GPC5: variants seen among roughly 807,000 people sequenced by gnomAD.
GPC5 encodes the protein glypican-5.
In GPC5, 47 loss-of-function variants were observed where a neutral mutation model predicts 53.9. The observed-to-expected ratio is 0.87, with a 90% CI of 0.69 to 1.11. The LOEUF (loss-of-function observed/expected upper bound fraction) is 1.11. Among genes scored for constraint, GPC5 ranks in the 50% most tolerant of loss-of-function variants. The pLI is 0.00. For missense variants in GPC5, 748 were observed against 713.1 expected (o/e 1.05, Z -0.56); for synonymous variants, 286 against 263.3 (o/e 1.09, Z -0.84).
intron 7 of GPC5, among the ~76,000 whole-genome samples, chr13:92,814,855 C>T (rs867142935): frequency 1.3e-4 from 20 of 151,736 alleles, no homozygotes; most frequent in Admixed American, 2.0e-4. Context: ...TTTTGATCAA[C>T]GAATTTCTCT....
At chr13:92,675,263 A>G (rs1303461474) in intron 7 of GPC5, among the ~76,000 whole-genome samples, 2 of 152,144 alleles carry the variant, frequency 1.3e-5, no homozygotes, top group Non-Finnish European at 2.9e-5. Flanking sequence ...GTTAAATCCT[A>G]TTCTTTAATT....
At chr13:92,036,015 G>GC (rs913340100) in intron 6 of GPC5, among the ~76,000 whole-genome samples, 9 of 152,108 alleles carry the variant, frequency 5.9e-5, no homozygotes, top group African/African-American at 2.2e-4. Context: ...ATTCAAACTG[G>GC]CCCCCGGGGT....
At chr13:92,259,903 A>G (rs1192516637) in intron 7 of GPC5, among the ~76,000 whole-genome samples, 1 of 152,164 alleles carries the variant, frequency 6.6e-6, no homozygotes, top group South Asian at 2.1e-4. Context: ...GGAAGAGTCC[A>G]GGGAAATAGT....
intron 7 of GPC5, among the ~76,000 whole-genome samples, chr13:92,206,042 CAAAAA>C (rs58237718): frequency 7.7e-5 from 7 of 90,414 alleles, no homozygotes; most frequent in East Asian, 7.8e-4. Context: ...GACTCCATCT[CAAAAA>C]AAAAAAAAAA....
intron 1 of GPC5, among the ~76,000 whole-genome samples, chr13:91,405,713 G>A (rs1219444888): frequency 6.6e-6 from 1 of 152,118 alleles, no homozygotes; most frequent in Non-Finnish European, 1.5e-5. Flanking sequence ...GTGCAGTCAA[G>A]CAGGATCCTA....
intron 6 of GPC5, among the ~76,000 whole-genome samples, chr13:91,957,317 A>G (rs1438696553): frequency 2.0e-5 from 3 of 152,194 alleles, no homozygotes; most frequent in East Asian, 3.9e-4. Flanking sequence ...ACCCTATATG[A>G]CATGTGGAAC....
chr13:92,069,504 T>A (rs1453945355), intron 6 of GPC5, among the ~76,000 whole-genome samples: 10 of 151,654 alleles, frequency 6.6e-5, no homozygotes, highest in Non-Finnish European at 1.5e-4. Context: ...TATATACAAA[T>A]GCTTTATACC....
At chr13:91,416,427 G>A (rs1195033940) in intron 1 of GPC5, among the ~76,000 whole-genome samples, 1 of 150,144 alleles carries the variant, frequency 6.7e-6, no homozygotes, top group Non-Finnish European at 1.5e-5. Context: ...TCTCTGAGAA[G>A]TACTATACTT....
intron 1 of GPC5, among the ~76,000 whole-genome samples, chr13:91,443,919 A>G (rs1179282942): frequency 1.3e-5 from 2 of 152,192 alleles, no homozygotes; most frequent in African/African-American, 4.8e-5. Context: ...ATGGAATTAG[A>G]GGATAGAATT....
chr13:92,135,131 T>C (rs2041773451), intron 6 of GPC5, among the ~76,000 whole-genome samples: 1 of 152,168 alleles, frequency 6.6e-6, no homozygotes, highest in Non-Finnish European at 1.5e-5. Flanking sequence ...ACTCCTGTCA[T>C]TGATCTTCTG....
chr13:92,268,240 AG>A (rs1260636010), intron 7 of GPC5, among the ~76,000 whole-genome samples: 3 of 152,048 alleles, frequency 2.0e-5, no homozygotes, highest in Non-Finnish European at 4.4e-5. Context: ...TTTCAAAAAA[AG>A]GTAAAAAGGA....
At chr13:92,236,077 T>G (rs530196278) in intron 7 of GPC5, among the ~76,000 whole-genome samples, 3 of 152,210 alleles carry the variant, frequency 2.0e-5, no homozygotes, top group Non-Finnish European at 4.4e-5. Context: ...TAAGGTAATA[T>G]TTATTTTAGT....
rs115670704 is a variant in GPC5 at position 92,652,903 on chromosome 13, G to A, written c.1562-213379G>A. Among the ~76,000 whole-genome samples the A allele has an allele frequency of 5.3e-3, 799 of 152,076 alleles. 9 individuals are homozygous for A. The highest frequency in any genetic ancestry group is 0.019 in the African/African-American group (770 of 41,486). ...TCTCTGAGTCAACACAATATCCAGCGTGGGCCCATTGTAGCCTAAAAAGTG... is the reference window on the plus strand; with the variant it reads ...TCTCTGAGTCAACACAATATCCAGCATGGGCCCATTGTAGCCTAAAAAGTG... On this transcript the variant is annotated intron_variant, in intron 7 of 7. Transcript: ENST00000377067.
intron 7 of GPC5, among the ~76,000 whole-genome samples, chr13:92,839,107 T>C (rs973531397): frequency 6.6e-6 from 1 of 152,214 alleles, no homozygotes; most frequent in African/African-American, 2.4e-5. Flanking sequence ...TCAGCACTTG[T>C]TGCCTGAGCA....
At chr13:91,485,379 AT>A (rs953364155) in intron 2 of GPC5, among the ~76,000 whole-genome samples, 1 of 151,728 alleles carries the variant, frequency 6.6e-6, no homozygotes, top group Non-Finnish European at 1.5e-5. Context: ...TGCCCAGCTA[AT>A]TTTTTTTGTA....
intron 6 of GPC5, among the ~76,000 whole-genome samples, chr13:91,981,133 G>A (rs956095284): frequency 3.9e-5 from 6 of 152,086 alleles, no homozygotes; most frequent in Admixed American, 2.0e-4. Context: ...GTGGAACCAC[G>A]TATGTTCATG....
intron 6 of GPC5, among the ~76,000 whole-genome samples, chr13:92,068,662 T>C (rs1213995287): frequency 6.6e-6 from 1 of 151,580 alleles, no homozygotes; most frequent in African/African-American, 2.4e-5. Context: ...CTAGTTTGCA[T>C]ATTAAAAAAT....
intron 4 of GPC5, among the ~76,000 whole-genome samples, chr13:91,729,776 A>C (rs1180161804): frequency 6.6e-6 from 1 of 152,176 alleles, no homozygotes; most frequent in African/African-American, 2.4e-5. Flanking sequence ...TGTTTTTATA[A>C]TAAAACCCAT....
chr13:92,227,118 G>T (rs2042492745), intron 7 of GPC5, among the ~76,000 whole-genome samples: 1 of 152,144 alleles, frequency 6.6e-6, no homozygotes, highest in Non-Finnish European at 1.5e-5. Context: ...AACAGAGGAG[G>T]AATCTTGTGT....
Sources: allele counts gnomAD v4.1 joint callset (sites outside exome capture counted in the v4.1 genomes callset), GRCh38; gene constraint gnomAD v4.1.1; transcripts MANE v1.5; gene names NCBI Gene and HGNC (gene_info 2026-07-23, HGNC 2026-07-21).